Variants in P2RX5 observed in about 807,000 individuals in gnomAD.
P2RX5 encodes P2X purinoceptor 5.
In P2RX5, 46 loss-of-function variants were observed where a neutral mutation model predicts 54.1. The observed-to-expected ratio is 0.85, with a 90% CI of 0.67 to 1.09. P2RX5 has a LOEUF of 1.09. Among genes scored for constraint, P2RX5 ranks in the 50% least tolerant of loss-of-function variants. P2RX5 has a pLI of 0.00. For missense variants in P2RX5, 566 were observed against 549.8 expected (o/e 1.03, Z -0.29); for synonymous variants, 226 against 226.4 (o/e 1.00, Z 0.02).
At chr17:3,690,306 G>A in intron 5 of P2RX5, 121 bp downstream of exon 5, 1 of 1,125,324 alleles carries the variant, frequency 8.9e-7, no homozygotes, top group Non-Finnish European at 1.3e-6. Flanking sequence ...GGCCTCGCTG[G>A]GACAGCCTGA....
Position 3,681,909 on chromosome 17 carries a change from A to T in P2RX5, c.1051T>A (p.Tyr351Asn). 2.5e-6 allele frequency: 4 copies of T among 1,612,848 alleles called. No individual in the cohort carries two copies. Among genetic ancestry groups the T allele is most frequent in the Non-Finnish European group, 3.4e-6 (4 of 1,178,908 alleles). ...KKREFYRDKKYEEVRGLEDSS... is the reference protein window; with the variant it reads ...KKREFYRDKKNEEVRGLEDSS... ...AGCGGAACTGACCTCACTTCCTCGT[A>T]CTTCTTGTCACGGTAAAACTCTCTC... is the stretch of plus-strand genomic sequence containing the variant. The change falls in exon 10 of 12, where the codon TAC (tyrosine) becomes AAC (asparagine). Residue 351 changes from tyrosine (Y) to asparagine (N), a missense_variant. By Grantham distance (143) the Tyr-to-Asn change is moderately radical. Coordinates refer to ENST00000225328, the MANE Select transcript of P2RX5 (RefSeq NM_002561.4).
chr17:3,716,674 T>C, the P2RX5 span: 1 of 1,449,528 alleles, frequency 6.9e-7, no homozygotes, highest in Non-Finnish European at 9.7e-7. Context: ...TGTGATGCCA[T>C]GAGTAGAACT....
In P2RX5 at chr17:3,688,038, G is replaced by A. The variant is rs767079240; in HGVS notation, c.955C>T (p.Arg319Cys). 3.1e-6 allele frequency: 5 copies of A among 1,598,792 alleles called. No homozygotes were observed. The highest frequency in any genetic ancestry group is 3.4e-6 in the Non-Finnish European group (4 of 1,173,338). The change falls in exon 9 of 12, where the codon CGC (arginine) becomes TGC (cysteine). Residue 319 changes from arginine (R) to cysteine (C), a missense_variant. Transcript: ENST00000225328. ...TTGCCGTTCACCATCACGTCAAAGC[G>A]GATCCCGTAGGCTTTCATCAGGGTG... The part of the protein sequence containing the change: ...FRTLMKAYGI[R>C]FDVMVNGKGA...
At chr17:3,701,253 C>T in the P2RX5 span, among the ~76,000 whole-genome samples, 1 of 152,014 alleles carries the variant, frequency 6.6e-6, no homozygotes, top group Admixed American at 6.6e-5. Flanking sequence ...TTTTTTAGCT[C>T]ATCAGCTATT....
At chr17:3,723,525 G>T in the P2RX5 span, 1 of 987,048 alleles carries the variant, frequency 1.0e-6, no homozygotes, top group Non-Finnish European at 1.6e-6. Context: ...CCCAAGCGAA[G>T]CTCCAGCGGG....
At chr17:3,723,143 C>A in the P2RX5 span, 1 of 605,650 alleles carries the variant, frequency 1.7e-6, no homozygotes, top group Non-Finnish European at 3.0e-6. Context: ...AGCTAAGGAA[C>A]GGGTTGGGAC....
chr17:3,692,667 C>G (rs1003980565), intron 1 of P2RX5, among the ~76,000 whole-genome samples: 1 of 152,074 alleles, frequency 6.6e-6, no homozygotes, highest in African/African-American at 2.4e-5. Context: ...CACAGTGAGA[C>G]CCCATCTCTA....
intron 9 of P2RX5, among the ~76,000 whole-genome samples, chr17:3,685,077 C>T (rs1334678504): frequency 6.6e-6 from 1 of 152,080 alleles, no homozygotes; most frequent in Non-Finnish European, 1.5e-5. Context: ...AACTCACAAC[C>T]TCAGGTGATC....
chr17:3,701,710 AAAAAAAAAAG>A, the P2RX5 span, among the ~76,000 whole-genome samples: 14 of 148,612 alleles, frequency 9.4e-5, no homozygotes, highest in Non-Finnish European at 2.1e-4. Flanking sequence ...AAAAAAAAAA[AAAAAAAAAAG>A]GAACTTCTAA....
intron 5 of P2RX5, 26 bp downstream of exon 5, chr17:3,690,401 A>G: frequency 6.4e-7 from 1 of 1,564,870 alleles, no homozygotes. Context: ...GAAACCCCTC[A>G]GGGTCCTGAG....
Position 3,690,062 on chromosome 17 carries a change from C to A in P2RX5, c.614+8G>T. ...CACCCGTGGCCCCCAGTAGCCAAGC[C>A]CACGTACTTGGAGAAGTTGAATTTG... is the stretch of plus-strand genomic sequence containing the variant. On this transcript the variant is annotated splice_region_variant and intron_variant, in intron 6 of 11. Transcript: ENST00000225328. 6.2e-7 allele frequency: 1 copy of A among 1,613,036 alleles called. No homozygotes were observed. Among genetic ancestry groups the A allele is most frequent in the Admixed American group, 1.7e-5 (1 of 60,026 alleles).
Position 3,691,000 on chromosome 17 carries a change from T to C in P2RX5, c.316A>G (p.Asn106Asp), listed in dbSNP as rs770754267. The C allele has an allele frequency of 1.9e-5, 30 of 1,612,992 alleles. 1 individual carries two copies. The South Asian group carries it at 3.2e-4, about 17-fold the overall frequency. Residue 106 changes from asparagine to aspartate, a missense_variant, in exon 3 of 12, where the codon AAC (asparagine) becomes GAC (aspartate). Transcript: ENST00000225328. ...CGCTGGTTGGGGGTCACAATCAGGT[T>C]GGTGACCACAAAAAAGACGTTCTCT... ...QGENVFFVVT[N>D]LIVTPNQRQN... is the part of the protein sequence containing the mutation.
rs765182809 is a variant in P2RX5 at position 3,696,048 on chromosome 17, C to T, written c.-43G>A. On this transcript the variant is annotated 5_prime_UTR_variant, in exon 1 of 12. Transcript: ENST00000225328. ...GCTTGCGGACCGCCCGGCCCACGTG[C>T]GCTCATGGGGAGCACTCGGTCCCTC... The T allele has an allele frequency of 3.1e-6, 5 of 1,609,304 alleles. No individual in the cohort carries two copies. The Admixed American group carries it at 6.7e-5, about 22-fold the overall frequency.
chr17:3,695,761 G>A (rs2050740863), intron 1 of P2RX5, 108 bp downstream of exon 1: 8 of 1,413,830 alleles, frequency 5.7e-6, no homozygotes, highest in Middle Eastern at 1.8e-4. Flanking sequence ...CCAGCTACCG[G>A]GAAAACCGCG....
chr17:3,688,044 C>T lies in P2RX5; in HGVS notation c.949G>A (p.Gly317Arg), dbSNP rs764541647. The T allele has an allele frequency of 3.1e-6, 5 of 1,604,038 alleles. No individual in the cohort carries two copies. Among genetic ancestry groups the T allele is most frequent in the African/African-American group, 1.4e-5 (1 of 73,614 alleles). Reference protein sequence around the residue: ...VEFRTLMKAYGIRFDVMVNGK... With the variant: ...VEFRTLMKAYRIRFDVMVNGK... ...TTCACCATCACGTCAAAGCGGATCC[C>T]GTAGGCTTTCATCAGGGTGCGGAAC... The change falls in exon 9 of 12, where the codon GGG (glycine) becomes AGG (arginine). Residue 317 changes from glycine (G) to arginine (R), a missense_variant. Coordinates refer to ENST00000225328, the MANE Select transcript of P2RX5 (RefSeq NM_002561.4).
the P2RX5 span, chr17:3,717,839 G>C: frequency 6.6e-6 from 1 of 151,432 alleles, no homozygotes; most frequent in African/African-American, 2.5e-5. Flanking sequence ...TAGCAACAAA[G>C]AGGGAGGAAG....
At chr17:3,699,940 A>G (rs564703637), upstream of P2RX5, among the ~76,000 whole-genome samples, 15 of 128,584 alleles carry the variant, frequency 1.2e-4, no homozygotes, top group South Asian at 4.8e-3. Flanking sequence ...GAAAGAAAGA[A>G]AGAAAGAAAG....
At chr17:3,690,716 T>TC in intron 3 of P2RX5, 36 bp from the exon 4 acceptor site, 1 of 1,595,218 alleles carries the variant, frequency 6.3e-7, no homozygotes, top group Non-Finnish European at 8.6e-7. Flanking sequence ...ATGGGGGGGT[T>TC]CCCCCAGCTC....
the P2RX5 span, chr17:3,716,789 C>T: frequency 1.1e-5 from 17 of 1,571,128 alleles, no homozygotes; most frequent in East Asian, 6.7e-5. Context: ...TTCAGGAAGA[C>T]GACAGTGATC....
Sources: gnomAD v4.1 joint callset for allele counts (sites outside exome capture counted in the v4.1 genomes callset) on GRCh38, gnomAD v4.1.1 for gene constraint, MANE v1.5 for transcripts, NCBI Gene and HGNC (gene_info 2026-07-23, HGNC 2026-07-21) for gene names.